The following ANKS1B variants were observed in gnomAD, a reference collection of about 807,000 sequenced individuals.
ANKS1B encodes the protein ankyrin repeat and sterile alpha motif domain containing 1B.
ANKS1B carries 36 observed loss-of-function variants against 148.3 expected under a neutral mutation model. That is an observed-to-expected ratio of 0.24 (90% CI 0.19 to 0.32). The LOEUF (loss-of-function observed/expected upper bound fraction) is 0.32. ANKS1B is among the 10% of genes least tolerant of loss of function. The pLI is 1.00. For synonymous variants in ANKS1B, 542 were observed against 560.8 expected (o/e 0.97, Z 0.47); for missense variants, 1,157 against 1,542.6 (o/e 0.75, Z 4.19).
At chr12:99,576,626 G>T (rs968270497) in intron 9 of ANKS1B, among the ~76,000 whole-genome samples, 1 of 152,106 alleles carries the variant, frequency 6.6e-6, no homozygotes, top group African/African-American at 2.4e-5. Context: ...AGCTGCTTCT[G>T]AATGACTTTT....
chr12:99,428,389 G>A (rs1212196760), intron 11 of ANKS1B, among the ~76,000 whole-genome samples: 1 of 152,160 alleles, frequency 6.6e-6, no homozygotes, highest in African/African-American at 2.4e-5. Context: ...GTGGGATGAG[G>A]CCAGTGTCCA....
intron 8 of ANKS1B, among the ~76,000 whole-genome samples, chr12:99,741,256 A>G (rs963192460): frequency 3.6e-5 from 5 of 138,926 alleles, no homozygotes; most frequent in African/African-American, 1.3e-4. Context: ...TCAGGAAACA[A>G]CAGATGCTGG....
chr12:99,638,827 G>A (rs540296979), intron 9 of ANKS1B, among the ~76,000 whole-genome samples: 154 of 152,264 alleles, frequency 1.0e-3, no homozygotes, highest in Non-Finnish European at 1.8e-3. Flanking sequence ...AGGGTCCCCC[G>A]TGCTGCCTCA....
chr12:99,748,845 A>G (rs2060842130), intron 8 of ANKS1B, among the ~76,000 whole-genome samples: 1 of 152,130 alleles, frequency 6.6e-6, no homozygotes, highest in South Asian at 2.1e-4. Context: ...CATAGCCAAA[A>G]TTCAGGTAAT....
chr12:99,579,650 T>C (rs1050595777), intron 9 of ANKS1B, among the ~76,000 whole-genome samples: 1 of 152,082 alleles, frequency 6.6e-6, no homozygotes, highest in Non-Finnish European at 1.5e-5. Context: ...CACACTGAAA[T>C]ACAACCTCAT....
At chr12:99,818,689 C>G (rs1362468076) in intron 2 of ANKS1B, among the ~76,000 whole-genome samples, 5 of 151,226 alleles carry the variant, frequency 3.3e-5, no homozygotes, top group Non-Finnish European at 4.4e-5. Flanking sequence ...TTTCCATTTC[C>G]CAAAAACAAA....
At chr12:98,831,915 A>G (rs1374590741) in intron 18 of ANKS1B, 114 bp downstream of exon 18, 4 of 973,124 alleles carry the variant, frequency 4.1e-6, no homozygotes, top group Non-Finnish European at 6.4e-6. Flanking sequence ...ACACCTGGCT[A>G]AATTTTTTCT....
intron 12 of ANKS1B, among the ~76,000 whole-genome samples, chr12:99,260,262 T>C (rs12319237): frequency 0.3 from 45,863 of 152,020 alleles, 8,130 homozygotes; most frequent in African/African-American, 0.49. Context: ...TTTTGTAATA[T>C]AAAAGGGACA....
At chr12:99,681,044 G>A (rs549158234) in intron 8 of ANKS1B, among the ~76,000 whole-genome samples, 1 of 152,224 alleles carries the variant, frequency 6.6e-6, no homozygotes, top group East Asian at 1.9e-4. Flanking sequence ...GCCTCCACTT[G>A]ATGATTTTTC....
intron 14 of ANKS1B, among the ~76,000 whole-genome samples, chr12:99,156,596 T>C (rs1204168598): frequency 6.6e-6 from 1 of 152,192 alleles, no homozygotes; most frequent in East Asian, 1.9e-4. Flanking sequence ...AGGCAGCCCA[T>C]AATGGGCTTT....
At chr12:98,924,348 A>G (rs575700601) in intron 17 of ANKS1B, among the ~76,000 whole-genome samples, 18 of 152,360 alleles carry the variant, frequency 1.2e-4, no homozygotes, top group Admixed American at 5.9e-4. Flanking sequence ...CTGTTCAGTA[A>G]GGTAGATAGT....
chr12:99,154,836 TGCTCCCCCTCGCTC>T, intron 14 of ANKS1B: 1 of 1,525,222 alleles, frequency 6.6e-7, no homozygotes, highest in South Asian at 1.2e-5. Flanking sequence ...CCATGCTCCT[TGCTCCCCCTCGCTC>T]GCTCCCCTTC....
At chr12:98,774,572 T>A in intron 24 of ANKS1B, among the ~76,000 whole-genome samples, 1 of 152,206 alleles carries the variant, frequency 6.6e-6, no homozygotes, top group African/African-American at 2.4e-5. Flanking sequence ...CCCATTTATG[T>A]TTTTTTGCAG....
At chr12:99,218,665 C>T (rs2084618943) in intron 14 of ANKS1B, among the ~76,000 whole-genome samples, 1 of 152,174 alleles carries the variant, frequency 6.6e-6, no homozygotes, top group Non-Finnish European at 1.5e-5. Flanking sequence ...AATCTCACTG[C>T]TTCTGTTTAA....
intron 1 of ANKS1B, among the ~76,000 whole-genome samples, chr12:99,852,970 TG>T (rs1309654772): frequency 6.6e-6 from 1 of 152,086 alleles, no homozygotes; most frequent in Non-Finnish European, 1.5e-5. Context: ...CCTGGCAACC[TG>T]TGTGAGCAGC....
At chr12:99,291,031 C>T (rs1260840945) in intron 12 of ANKS1B, among the ~76,000 whole-genome samples, 1 of 151,686 alleles carries the variant, frequency 6.6e-6, no homozygotes, top group African/African-American at 2.4e-5. Flanking sequence ...AAAACCCAAA[C>T]TAATTCAGTA....
chr12:98,918,466 A>C (rs1034939030), intron 17 of ANKS1B, among the ~76,000 whole-genome samples: 1 of 152,190 alleles, frequency 6.6e-6, no homozygotes, highest in Non-Finnish European at 1.5e-5. Flanking sequence ...ACTCTAACCA[A>C]CGTATGCCCC....
chr12:99,271,318 GTTGT>G (rs1326117422), intron 12 of ANKS1B, among the ~76,000 whole-genome samples: 6 of 152,150 alleles, frequency 3.9e-5, no homozygotes, highest in African/African-American at 1.2e-4. Flanking sequence ...TGAAGCCTTT[GTTGT>G]TTGTTTGTTT....
At chr12:99,031,301 T>C (rs1437515985) in intron 17 of ANKS1B, among the ~76,000 whole-genome samples, 1 of 152,260 alleles carries the variant, frequency 6.6e-6, no homozygotes, top group Non-Finnish European at 1.5e-5. Context: ...ATTTGTCATT[T>C]AATTGCATAT....
Sources: allele counts gnomAD v4.1 joint callset (sites outside exome capture counted in the v4.1 genomes callset), GRCh38; gene constraint gnomAD v4.1.1; transcripts MANE v1.5; gene names NCBI Gene and HGNC (gene_info 2026-07-23, HGNC 2026-07-21).